DIP2A: variants seen among roughly 807,000 people sequenced by gnomAD.
DIP2A encodes DIP2 acetate--CoA ligase A.
A neutral mutation model predicts 177.4 loss-of-function variants in DIP2A; 85 were observed. That is an observed-to-expected ratio of 0.48 (90% CI 0.40 to 0.57). DIP2A has a LOEUF of 0.57. Among genes scored for constraint, DIP2A ranks in the 20% least tolerant of loss-of-function variants. The pLI is 0.00. For missense variants in DIP2A, 1,791 were observed against 2,100.2 expected, an observed-to-expected ratio of 0.85 and a Z score of 2.88; for synonymous variants, 886 against 881.8, an observed-to-expected ratio of 1.00 and a Z score of -0.08.
intron 17 of DIP2A, among the ~76,000 whole-genome samples, chr21:46,540,239 G>A (rs2059757689): frequency 6.6e-6 from 1 of 152,128 alleles, no homozygotes; most frequent in Non-Finnish European, 1.5e-5. Flanking sequence ...TCCCAAATTA[G>A]AAAGGCCTTG....
At chr21:46,510,518 C>G (rs533640627) in intron 7 of DIP2A, among the ~76,000 whole-genome samples, 1 of 152,014 alleles carries the variant, frequency 6.6e-6, no homozygotes, top group African/African-American at 2.4e-5. Flanking sequence ...GTGTTTCTTA[C>G]CACTTGGGCA....
chr21:46,504,240 C>T (rs1484910635), intron 5 of DIP2A, 121 bp from the exon 6 acceptor site: 1 of 1,353,718 alleles, frequency 7.4e-7, no homozygotes, highest in Non-Finnish European at 1.0e-6. Context: ...AATGAAAATA[C>T]CACACTCTCC....
intron 6 of DIP2A, among the ~76,000 whole-genome samples, chr21:46,505,831 T>C (rs2057951134): frequency 6.6e-6 from 1 of 152,230 alleles, no homozygotes; most frequent in Non-Finnish European, 1.5e-5. Flanking sequence ...ATACAGCGTT[T>C]ACGTTTATGG....
intron 32 of DIP2A, among the ~76,000 whole-genome samples, chr21:46,559,795 C>T (rs1337251100): frequency 6.6e-6 from 1 of 152,202 alleles, no homozygotes; most frequent in African/African-American, 2.4e-5. Flanking sequence ...TGGCTGTCTC[C>T]TCCCTGTCTC....
chr21:46,554,691 G>A lies in DIP2A; in HGVS notation c.3271G>A (p.Val1091Met), dbSNP rs761965979. 9 of 1,567,092 alleles carry A rather than the reference G, an allele frequency of 5.7e-6. No homozygotes were observed. Among genetic ancestry groups the A allele is most frequent in the Admixed American group, 1.9e-5 (1 of 52,834 alleles). The change falls in exon 27 of 38, where the codon GTG becomes ATG. Residue 1091 changes from valine (V) to methionine (M), a missense_variant. Val to Met is a conservative substitution (Grantham distance 21). Transcript: ENST00000417564. ...CACACTGCCCACCGTCAAGATGATC[G>A]TGGAGGTGCGCCTACCTGGCCCGCG... ...GTTLPTVKMI[V>M]EVSKSACVLT...
At chr21:46,491,083 G>A (rs532013218) in intron 3 of DIP2A, among the ~76,000 whole-genome samples, 1 of 152,154 alleles carries the variant, frequency 6.6e-6, no homozygotes, top group Non-Finnish European at 1.5e-5. Context: ...TTACTGCTAG[G>A]TGCAGGTGTT....
intron 3 of DIP2A, among the ~76,000 whole-genome samples, chr21:46,495,179 TTTCTCTTCTCTTCTCTTCTC>T (rs373831760): frequency 2.6e-3 from 189 of 72,418 alleles, no homozygotes; most frequent in East Asian, 7.2e-3. Context: ...TCTTTCGCTT[TTTCTCTTCTCTTCTCTTCTC>T]TTCTCTTCTC....
At chr21:46,583,821 G>A in the DIP2A span, among the ~76,000 whole-genome samples, 6 of 152,244 alleles carry the variant, frequency 3.9e-5, no homozygotes, top group South Asian at 2.1e-4. Flanking sequence ...CTCATTCTTC[G>A]ATTTCCCAGC....
rs2057447769 is a variant in DIP2A at position 46,498,032 on chromosome 21, A to G, written c.404-550A>G. ...CTGAAGCAATTTTCTCGGAGAAGGA[A>G]TTGTTTTTAGGGCTAGTTCACATGA... On this transcript the variant is annotated intron_variant, in intron 4 of 37. Transcript: ENST00000417564. The surrounding 1 kb of genome is among the most constrained non-coding windows in gnomAD (Gnocchi z 4.3). Among the ~76,000 whole-genome samples, 1 of 152,204 alleles carries G rather than the reference A, an allele frequency of 6.6e-6. No homozygotes were observed. The highest frequency in any genetic ancestry group is 2.4e-5 in the African/African-American group (1 of 41,460).
At chr21:46,548,403 C>A (rs2060146355) in intron 21 of DIP2A, among the ~76,000 whole-genome samples, 1 of 152,128 alleles carries the variant, frequency 6.6e-6, no homozygotes, top group Non-Finnish European at 1.5e-5. Context: ...CGTCTGCAGG[C>A]AGGATAGCCT....
In DIP2A at chr21:46,490,652, C is replaced by A. The variant is rs2056958886; in HGVS notation, c.216C>A (p.Thr72=). The A allele has an allele frequency of 1.9e-6, 3 of 1,588,808 alleles. No homozygotes were observed. In the South Asian group the frequency reaches 3.4e-5, roughly 18 times the overall value. Residue 72 remains threonine (T), a synonymous_variant, in exon 3 of 38, where the codon ACC becomes ACA. Transcript: ENST00000417564. ...ATAGAATTCCTGGGCCCTCACAAAC[C>A]ACGGCCGCTGCACCCAAGCAGCAGA... ...AENRIPGPSQ[T]TAAAPKQQKS... is the part of the protein sequence containing the mutation.
intron 10 of DIP2A, 81 bp from the exon 11 acceptor site, chr21:46,533,443 T>G: frequency 6.6e-7 from 1 of 1,522,246 alleles, no homozygotes; most frequent in Non-Finnish European, 8.8e-7. Context: ...CTGTTCTCTG[T>G]GCATGGCCTG....
intron 6 of DIP2A, 36 bp from the exon 7 acceptor site, chr21:46,509,221 C>A: frequency 6.3e-7 from 1 of 1,594,704 alleles, no homozygotes; most frequent in South Asian, 1.1e-5. Flanking sequence ...TCAGATGTGT[C>A]CTGGCCTCAG....
chr21:46,460,880 G>A (rs996594645), intron 1 of DIP2A, among the ~76,000 whole-genome samples: 2 of 151,950 alleles, frequency 1.3e-5, no homozygotes, highest in Non-Finnish European at 2.9e-5. Context: ...TTTTAGTAGA[G>A]GCAAGGTATC....
At chr21:46,460,115 G>A (rs2054171514) in intron 1 of DIP2A, among the ~76,000 whole-genome samples, 1 of 152,116 alleles carries the variant, frequency 6.6e-6, no homozygotes, top group Non-Finnish European at 1.5e-5. Flanking sequence ...ATTTTGGATT[G>A]TTATGAGGCT....
At chr21:46,554,429 C>A in intron 26 of DIP2A, 137 bp downstream of exon 26, 1 of 1,542,216 alleles carries the variant, frequency 6.5e-7, no homozygotes, top group Non-Finnish European at 8.8e-7. Flanking sequence ...TGTCTGCCTC[C>A]TCAGCTCAGC....
downstream of DIP2A, among the ~76,000 whole-genome samples, chr21:46,571,768 G>A (rs1438432873): frequency 5.9e-5 from 9 of 152,304 alleles, no homozygotes; most frequent in Admixed American, 6.5e-5. Flanking sequence ...AAACTTTGCC[G>A]AAGTTGCTTA....
At position 46,546,990 on chromosome 21, in the gene DIP2A, G is replaced by T; in HGVS notation, c.2470G>T (p.Val824Phe). ...AGTTCGCAGACACAATGCAGATGAC[G>T]TTGTGGCCACCGCACTGGCCGTGGA... The part of the protein sequence containing the change: ...TGVRRHNADD[V>F]VATALAVEPM... Residue 824 changes from valine (V) to phenylalanine (F), a missense_variant, in exon 21 of 38, where the codon GTT (valine) becomes TTT (phenylalanine). Val to Phe is a conservative substitution (Grantham distance 50, BLOSUM62 -1). Coordinates refer to ENST00000417564, the MANE Select transcript of DIP2A (RefSeq NM_015151.4). 6.2e-7 allele frequency: 1 copy of T among 1,613,968 alleles called. No homozygotes were observed. The highest frequency in any genetic ancestry group is 8.5e-7 in the Non-Finnish European group (1 of 1,179,842).
chr21:46,541,726 A>G (rs764181673), intron 17 of DIP2A, 30 bp from the exon 18 acceptor site: 15 of 1,613,426 alleles, frequency 9.3e-6, no homozygotes, highest in Non-Finnish European at 1.0e-5. Flanking sequence ...CCCCCTCGTC[A>G]GTTAAACCCA....
Sources: allele counts gnomAD v4.1 joint callset (sites outside exome capture counted in the v4.1 genomes callset), GRCh38; gene constraint gnomAD v4.1.1; non-coding constraint Gnocchi (gnomAD v3.1); transcripts MANE v1.5; gene names NCBI Gene and HGNC (gene_info 2026-07-23, HGNC 2026-07-21).